Variants in EPHA6 observed in about 807,000 individuals in gnomAD.
EPHA6 encodes the protein EPH receptor A6.
In EPHA6, 50 loss-of-function variants were observed where a neutral mutation model predicts 112.0. The ratio of observed to expected loss-of-function variants is 0.45; its 90% CI spans 0.36 to 0.56. The LOEUF is 0.56. Ranked by LOEUF, EPHA6 falls within the 20% of genes least tolerant of loss-of-function variation. EPHA6 has a pLI of 0.00. For missense variants in EPHA6, 1,280 were observed against 1,417.4 expected, an observed-to-expected ratio of 0.90 and a Z score of 1.56; for synonymous variants, 529 against 490.7, an observed-to-expected ratio of 1.08 and a Z score of -1.03.
At chr3:97,555,414 G>A (rs1215839894) in intron 11 of EPHA6, among the ~76,000 whole-genome samples, 3 of 152,084 alleles carry the variant, frequency 2.0e-5, no homozygotes, top group Non-Finnish European at 4.4e-5. Flanking sequence ...CTTTATAGCA[G>A]CATGATTTAT....
intron 2 of EPHA6, among the ~76,000 whole-genome samples, chr3:96,977,908 C>A (rs529896190): frequency 6.6e-6 from 1 of 152,226 alleles, no homozygotes; most frequent in East Asian, 1.9e-4. Flanking sequence ...CCTGTAATCC[C>A]AGAAGTTTGA....
chr3:97,371,564 C>A (rs2085057233), intron 5 of EPHA6, among the ~76,000 whole-genome samples: 1 of 152,038 alleles, frequency 6.6e-6, no homozygotes, highest in Non-Finnish European at 1.5e-5. Flanking sequence ...CCTCAGGACG[C>A]TGTGATGATT....
At chr3:97,642,832 T>C (rs373503401) in intron 14 of EPHA6, among the ~76,000 whole-genome samples, 7 of 150,738 alleles carry the variant, frequency 4.6e-5, no homozygotes, top group Non-Finnish European at 8.9e-5. Flanking sequence ...CCTGAAAGTG[T>C]TGGGGAGAAT....
chr3:97,664,559 T>C (rs2094192669), intron 14 of EPHA6, among the ~76,000 whole-genome samples: 2 of 152,172 alleles, frequency 1.3e-5, no homozygotes, highest in African/African-American at 2.4e-5. Flanking sequence ...CATGATTGTA[T>C]ATCTAGAAAA....
At chr3:97,459,140 T>A (rs1359951021) in intron 7 of EPHA6, among the ~76,000 whole-genome samples, 1 of 152,206 alleles carries the variant, frequency 6.6e-6, no homozygotes, top group Admixed American at 6.5e-5. Context: ...GGGGAGCTTT[T>A]GCTCTTTTTA....
intron 14 of EPHA6, among the ~76,000 whole-genome samples, chr3:97,641,498 A>G (rs1030374776): frequency 1.2e-4 from 19 of 152,276 alleles, no homozygotes; most frequent in African/African-American, 4.6e-4. Flanking sequence ...GACGCAGAAG[A>G]CGGGTGATTT....
chr3:96,980,789 G>A (rs938850192), intron 2 of EPHA6, among the ~76,000 whole-genome samples: 1 of 152,100 alleles, frequency 6.6e-6, no homozygotes, highest in Non-Finnish European at 1.5e-5. Context: ...TGGATTCCTA[G>A]GTATTTTATT....
At chr3:97,546,427 G>A (rs1016383091) in intron 11 of EPHA6, among the ~76,000 whole-genome samples, 2 of 152,222 alleles carry the variant, frequency 1.3e-5, no homozygotes, top group African/African-American at 4.8e-5. Flanking sequence ...TTTCTGCAGA[G>A]AGATCAGCTG....
At chr3:97,155,597 A>C (rs556451701) in intron 3 of EPHA6, among the ~76,000 whole-genome samples, 1 of 152,268 alleles carries the variant, frequency 6.6e-6, no homozygotes, top group African/African-American at 2.4e-5. Flanking sequence ...GAGTTTTATA[A>C]GGCTGAAACT....
chr3:97,132,362 T>G (rs1450413967), intron 3 of EPHA6, among the ~76,000 whole-genome samples: 2 of 152,100 alleles, frequency 1.3e-5, no homozygotes, highest in Admixed American at 1.3e-4. Context: ...GTTCTTTTCA[T>G]ATTTGAATTA....
In EPHA6 at chr3:96,987,411, A is replaced by G. The variant is rs1231426955; in HGVS notation, c.532A>G (p.Asn178Asp). 1 of 1,613,916 alleles carries G rather than the reference A, an allele frequency of 6.2e-7. No individual in the cohort carries two copies. The highest frequency in any genetic ancestry group is 1.1e-5 in the South Asian group (1 of 91,082). ...QVCNVMEPNQ[N>D]NWLRTNWISR... Reference sequence around the variant, plus strand: ...ATGTAATGTAATGGAACCAAACCAAAACAACTGGCTTCGTACAAACTGGAT... The same window carrying G: ...ATGTAATGTAATGGAACCAAACCAAGACAACTGGCTTCGTACAAACTGGAT... Residue 178 changes from asparagine (N) to aspartate (D), a missense_variant, in exon 3 of 18, where the codon AAC becomes GAC. Transcript: ENST00000389672.
chr3:97,705,463 T>C (rs575462689), intron 14 of EPHA6, among the ~76,000 whole-genome samples: 8 of 152,294 alleles, frequency 5.3e-5, no homozygotes, highest in African/African-American at 1.4e-4. Context: ...ACTGTTGTGA[T>C]TGTACACTAC....
chr3:97,180,904 G>A (rs1296565659), intron 3 of EPHA6, among the ~76,000 whole-genome samples: 1 of 151,166 alleles, frequency 6.6e-6, no homozygotes, highest in Non-Finnish European at 1.5e-5. Context: ...AACCCCACCA[G>A]GCAACTGTCT....
intron 3 of EPHA6, among the ~76,000 whole-genome samples, chr3:97,067,734 CTGATTAACATT>C (rs1576426407): frequency 2.0e-5 from 3 of 151,894 alleles, no homozygotes. Context: ...ACAACTTGAC[CTGATTAACATT>C]TGAGACAACC....
chr3:97,129,743 A>G (rs9880903), intron 3 of EPHA6, among the ~76,000 whole-genome samples: 36,668 of 152,056 alleles, frequency 0.24, 4,653 homozygotes, highest in Middle Eastern at 0.29. Context: ...AAGGAGCAGC[A>G]GGGTTGGGGA....
intron 5 of EPHA6, among the ~76,000 whole-genome samples, chr3:97,308,320 C>A (rs747679559): frequency 6.6e-6 from 1 of 151,636 alleles, no homozygotes; most frequent in African/African-American, 2.4e-5. Context: ...AAAATCTCTC[C>A]GTAGGGAACC....
Position 97,749,009 on chromosome 3 carries a change from C to T in EPHA6, c.*308C>T, listed in dbSNP as rs1011197085. 1 of 321,606 alleles carries T rather than the reference C, an allele frequency of 3.1e-6. No homozygotes were observed. Among genetic ancestry groups the T allele is most frequent in the Non-Finnish European group, 5.9e-6 (1 of 169,016 alleles). The allele number at this position is 321,606 out of a possible 1,614,324, so 19.9% of individuals were successfully genotyped here. A position where few individuals can be genotyped will look rare whatever the true frequency, so the allele number is the denominator to read the frequency against. On this transcript the variant is annotated 3_prime_UTR_variant, in exon 18 of 18. Coordinates refer to ENST00000389672, the MANE Select transcript of EPHA6 (RefSeq NM_001080448.3). ...ATATGGGAAGTGTTCACGGACTTAA[C>T]CTAAAAAAATTTATCCAGGTGGGGC...
intron 3 of EPHA6, among the ~76,000 whole-genome samples, chr3:97,043,972 C>A (rs1479452893): frequency 6.6e-6 from 1 of 152,240 alleles, no homozygotes; most frequent in East Asian, 1.9e-4. Flanking sequence ...TAGCAGGGCA[C>A]TCATGGTTCT....
chr3:97,111,336 A>T (rs968953786), intron 3 of EPHA6, among the ~76,000 whole-genome samples: 2 of 151,792 alleles, frequency 1.3e-5, no homozygotes, highest in African/African-American at 4.8e-5. Flanking sequence ...TATTGTGTGA[A>T]TTTTTTTTGC....
Sources: allele counts gnomAD v4.1 joint callset (sites outside exome capture counted in the v4.1 genomes callset), GRCh38; gene constraint gnomAD v4.1.1; transcripts MANE v1.5; gene names NCBI Gene and HGNC (gene_info 2026-07-23, HGNC 2026-07-21).